The following TCF7L2 variants were observed in gnomAD, a reference collection of about 807,000 sequenced individuals.
TCF7L2 encodes the protein transcription factor 7 like 2.
Under a neutral mutation model 77.9 loss-of-function variants are expected in TCF7L2, and 23 were observed. That is an observed-to-expected ratio of 0.30 (90% CI 0.21 to 0.42). The LOEUF is 0.42. TCF7L2 is among the 10% of genes least tolerant of loss of function. The probability of loss-of-function intolerance (pLI) is 1.00; values close to 1 mark genes in which losing one functional copy is unlikely to be tolerated. For synonymous variants in TCF7L2, 413 were observed against 340.2 expected, an observed-to-expected ratio of 1.21 and a Z score of -2.36; for missense variants, 654 against 793.1, an observed-to-expected ratio of 0.82 and a Z score of 2.11.
chr10:113,001,707 A>G (rs1206910992), intron 4 of TCF7L2, among the ~76,000 whole-genome samples: 1 of 151,592 alleles, frequency 6.6e-6, no homozygotes, highest in African/African-American at 2.4e-5. Flanking sequence ...AACCAAACCA[A>G]CTCACCCTTG....
chr10:112,966,110 G>T (rs1433165253), intron 4 of TCF7L2, among the ~76,000 whole-genome samples: 1 of 150,000 alleles, frequency 6.7e-6, no homozygotes, highest in Non-Finnish European at 1.5e-5. Flanking sequence ...GGGAGGCGGA[G>T]GTTGCGGTGA....
chr10:112,954,022 G>A (rs1401615229), intron 3 of TCF7L2, among the ~76,000 whole-genome samples: 1 of 152,216 alleles, frequency 6.6e-6, no homozygotes, highest in Non-Finnish European at 1.5e-5. Context: ...GGTCAGCAGA[G>A]CAGTGGAAAT....
At chr10:113,078,310 T>C (rs1422092790) in intron 5 of TCF7L2, among the ~76,000 whole-genome samples, 2 of 152,082 alleles carry the variant, frequency 1.3e-5, no homozygotes, top group Non-Finnish European at 2.9e-5. Context: ...GAACCAGACA[T>C]TGGGTAAAGA....
intron 5 of TCF7L2, among the ~76,000 whole-genome samples, chr10:113,059,323 A>G (rs957774465): frequency 6.6e-6 from 1 of 151,856 alleles, no homozygotes; most frequent in Non-Finnish European, 1.5e-5. Flanking sequence ...AGGCTGGACC[A>G]CTTGTTCAGG....
chr10:113,137,153 G>A (rs1592178634), intron 5 of TCF7L2, among the ~76,000 whole-genome samples: 1 of 152,164 alleles, frequency 6.6e-6, no homozygotes, highest in South Asian at 2.1e-4. Context: ...AGAAGGGTAT[G>A]TGCCTGAGGA....
intron 5 of TCF7L2, chr10:113,126,702 C>T: frequency 3.0e-6 from 3 of 985,494 alleles, no homozygotes; most frequent in Non-Finnish European, 3.6e-6. Flanking sequence ...TGTCTGGCGG[C>T]GCTGCTGGTG....
At chr10:113,067,268 G>A (rs1315694209) in intron 5 of TCF7L2, among the ~76,000 whole-genome samples, 1 of 152,198 alleles carries the variant, frequency 6.6e-6, no homozygotes, top group African/African-American at 2.4e-5. Context: ...GGAGTTCTGG[G>A]TGTTGAGGTT....
chr10:113,133,731 G>A (rs551908123), intron 5 of TCF7L2, among the ~76,000 whole-genome samples: 2 of 152,278 alleles, frequency 1.3e-5, no homozygotes, highest in East Asian at 1.9e-4. Flanking sequence ...TTTCACAGAC[G>A]GCAGGGAGAA....
intron 4 of TCF7L2, among the ~76,000 whole-genome samples, chr10:113,031,216 A>G (rs1437722639): frequency 2.0e-5 from 3 of 152,208 alleles, no homozygotes; most frequent in Admixed American, 6.5e-5. Flanking sequence ...TTGACCACCT[A>G]AAAAGGATGT....
intron 4 of TCF7L2, among the ~76,000 whole-genome samples, chr10:112,994,115 C>G (rs2043068167): frequency 6.6e-6 from 1 of 151,952 alleles, no homozygotes. Flanking sequence ...TAAAATCCAC[C>G]TATTTGAGGT....
intron 4 of TCF7L2, among the ~76,000 whole-genome samples, chr10:113,029,932 G>A (rs1001340265): frequency 3.3e-5 from 5 of 151,958 alleles, no homozygotes; most frequent in Admixed American, 3.3e-4. Flanking sequence ...TAATTCACAC[G>A]TCATAAAATG....
At chr10:112,993,785 G>A (rs879338564) in intron 4 of TCF7L2, among the ~76,000 whole-genome samples, 2 of 152,118 alleles carry the variant, frequency 1.3e-5, no homozygotes, top group Admixed American at 6.5e-5. Context: ...GGCTGGGCAC[G>A]GTGGCTTACG....
chr10:113,046,666 G>T (rs116763828), intron 5 of TCF7L2, among the ~76,000 whole-genome samples: 1 of 151,954 alleles, frequency 6.6e-6, no homozygotes, highest in Non-Finnish European at 1.5e-5. Flanking sequence ...CTTAAGGATG[G>T]GAATTGCTAA....
intron 5 of TCF7L2, among the ~76,000 whole-genome samples, chr10:113,067,620 C>T (rs1360163112): frequency 6.6e-6 from 1 of 152,160 alleles, no homozygotes; most frequent in Non-Finnish European, 1.5e-5. Flanking sequence ...TTCAAGGAAA[C>T]TTTCAGTGTG....
intron 4 of TCF7L2, among the ~76,000 whole-genome samples, chr10:113,020,461 C>G (rs1376495934): frequency 1.3e-5 from 2 of 152,158 alleles, no homozygotes; most frequent in African/African-American, 2.4e-5. Flanking sequence ...ACACCCTCCT[C>G]CTAACCCCCT....
chr10:112,990,821 T>C (rs962966175), intron 4 of TCF7L2, among the ~76,000 whole-genome samples: 12 of 152,226 alleles, frequency 7.9e-5, no homozygotes, highest in African/African-American at 2.9e-4. Context: ...AACGTTTCCG[T>C]ACTCATCTCA....
chr10:113,005,870 G>A (rs2045462028), intron 4 of TCF7L2, among the ~76,000 whole-genome samples: 1 of 152,142 alleles, frequency 6.6e-6, no homozygotes, highest in Non-Finnish European at 1.5e-5. Context: ...TGTTTTCTTT[G>A]AACTGTCTGG....
chr10:113,004,683 T>C (rs568733339), intron 4 of TCF7L2, among the ~76,000 whole-genome samples: 1 of 152,290 alleles, frequency 6.6e-6, no homozygotes, highest in Non-Finnish European at 1.5e-5. Context: ...TTTTTATTTT[T>C]TTTTTCTTTT....
intron 3 of TCF7L2, among the ~76,000 whole-genome samples, chr10:112,952,026 C>T (rs2031744847): frequency 6.6e-6 from 1 of 152,038 alleles, no homozygotes; most frequent in African/African-American, 2.4e-5. Flanking sequence ...CTCTCCTTCT[C>T]TTCCTTCCCT....
Sources: gnomAD v4.1 joint callset for allele counts (sites outside exome capture counted in the v4.1 genomes callset) on GRCh38, gnomAD v4.1.1 for gene constraint, MANE v1.5 for transcripts, NCBI Gene and HGNC (gene_info 2026-07-23, HGNC 2026-07-21) for gene names.